The following SLC4A4 variants were observed in gnomAD, a reference collection of about 807,000 sequenced individuals.
SLC4A4 encodes electrogenic sodium bicarbonate cotransporter 1.
Under a neutral mutation model 111.5 loss-of-function variants are expected in SLC4A4, and 27 were observed. The ratio of observed to expected loss-of-function variants is 0.24; its 90% confidence interval spans 0.18 to 0.33. SLC4A4 has a LOEUF of 0.33. SLC4A4 is among the 10% of genes least tolerant of loss of function. The probability of loss-of-function intolerance (pLI) is 1.00; values close to 1 mark genes in which losing one functional copy is unlikely to be tolerated. For missense variants in SLC4A4, 909 were observed against 1,315.5 expected, an observed-to-expected ratio of 0.69 and a Z score of 4.78; for synonymous variants, 443 against 463.4, an observed-to-expected ratio of 0.96 and a Z score of 0.57.
chr4:71,145,228 C>CT (rs1458195157), intron 2 of SLC4A4, among the ~76,000 whole-genome samples: 8 of 151,930 alleles, frequency 5.3e-5, no homozygotes, highest in South Asian at 2.1e-4. Context: ...GTCTTTGGTT[C>CT]GTTTATATGC....
At chr4:71,252,796 T>C (rs1253732862) in intron 2 of SLC4A4, among the ~76,000 whole-genome samples, 2 of 152,176 alleles carry the variant, frequency 1.3e-5, no homozygotes, top group East Asian at 3.8e-4. Context: ...TTTGGATTGG[T>C]GGAAATGTTC....
chr4:71,151,233 T>A (rs1382654284), intron 2 of SLC4A4, among the ~76,000 whole-genome samples: 2 of 152,218 alleles, frequency 1.3e-5, no homozygotes, highest in African/African-American at 4.8e-5. Context: ...CCTCTTCCAA[T>A]GACTAACATT....
At chr4:71,138,975 G>A (rs527440075) in intron 2 of SLC4A4, among the ~76,000 whole-genome samples, 1 of 143,930 alleles carries the variant, frequency 6.9e-6, no homozygotes, top group African/African-American at 2.7e-5. Context: ...GGCGGAGCTT[G>A]CAGTGAGCAG....
chr4:71,330,833 C>T (rs1046216173), intron 3 of SLC4A4, among the ~76,000 whole-genome samples: 4 of 152,040 alleles, frequency 2.6e-5, no homozygotes, highest in Non-Finnish European at 4.4e-5. Context: ...GCAATCTACT[C>T]ATCTGACAAA....
At chr4:71,305,308 C>T (rs1238893734) in intron 3 of SLC4A4, among the ~76,000 whole-genome samples, 2 of 152,184 alleles carry the variant, frequency 1.3e-5, no homozygotes, top group African/African-American at 2.4e-5. Flanking sequence ...TGGTGATTGA[C>T]TTAATCTATC....
intron 2 of SLC4A4, among the ~76,000 whole-genome samples, chr4:71,245,175 T>A (rs1720560736): frequency 6.6e-6 from 1 of 152,152 alleles, no homozygotes; most frequent in African/African-American, 2.4e-5. Flanking sequence ...AGCTGGACCA[T>A]GTGAACAGGG....
At chr4:71,308,091 T>C (rs1031604919) in intron 3 of SLC4A4, among the ~76,000 whole-genome samples, 2 of 152,172 alleles carry the variant, frequency 1.3e-5, no homozygotes, top group African/African-American at 4.8e-5. Flanking sequence ...TTATCTACTA[T>C]ATACTCTTAT....
chr4:71,336,242 C>G (rs142542859), intron 3 of SLC4A4, among the ~76,000 whole-genome samples: 366 of 152,204 alleles, frequency 2.4e-3, no homozygotes, highest in Non-Finnish European at 3.6e-3. Flanking sequence ...TTTAAATATG[C>G]CTGTATATGT....
chr4:71,352,724 A>G (rs543280879), intron 5 of SLC4A4, among the ~76,000 whole-genome samples: 1 of 152,328 alleles, frequency 6.6e-6, no homozygotes, highest in South Asian at 2.1e-4. Context: ...GTCTACTTAC[A>G]TGTCTATCCC....
At chr4:71,083,280 T>A (rs1220133611) in intron 1 of SLC4A4, among the ~76,000 whole-genome samples, 1 of 152,028 alleles carries the variant, frequency 6.6e-6, no homozygotes, top group Non-Finnish European at 1.5e-5. Flanking sequence ...CTTGTTTTTT[T>A]TTTCATTTAA....
intron 6 of SLC4A4, among the ~76,000 whole-genome samples, chr4:71,370,354 C>A (rs1215913586): frequency 6.6e-6 from 1 of 152,176 alleles, no homozygotes; most frequent in Admixed American, 6.5e-5. Context: ...ATCTGCTAAT[C>A]CCACAATGAA....
intron 14 of SLC4A4, among the ~76,000 whole-genome samples, chr4:71,475,670 G>C (rs139806877): frequency 7.2e-5 from 11 of 151,902 alleles, no homozygotes; most frequent in African/African-American, 2.7e-4. Context: ...CAGGCCAAAT[G>C]TGTGACTTTC....
intron 19 of SLC4A4, among the ~76,000 whole-genome samples, 186 bp downstream of exon 19, chr4:71,546,714 T>A (rs58357728): frequency 1.9e-4 from 29 of 152,142 alleles, no homozygotes; most frequent in African/African-American, 7.0e-4. Context: ...AGTTTACTCC[T>A]CATGATATAT....
chr4:71,092,153 G>A (rs1446133445), intron 1 of SLC4A4, among the ~76,000 whole-genome samples: 1 of 152,170 alleles, frequency 6.6e-6, no homozygotes, highest in African/African-American at 2.4e-5. Context: ...TTTATTAAGG[G>A]ATGCAAGATA....
intron 6 of SLC4A4, among the ~76,000 whole-genome samples, chr4:71,375,992 A>G (rs1732311404): frequency 6.6e-6 from 1 of 151,262 alleles, no homozygotes; most frequent in South Asian, 2.1e-4. Context: ...AAGGGATTGA[A>G]AGGTCCTAGG....
intron 12 of SLC4A4, among the ~76,000 whole-genome samples, chr4:71,456,142 T>C (rs886751293): frequency 1.3e-5 from 2 of 152,212 alleles, no homozygotes; most frequent in African/African-American, 4.8e-5. Flanking sequence ...TTGATTATTT[T>C]ATTAATAGAT....
intron 1 of SLC4A4, among the ~76,000 whole-genome samples, chr4:71,194,388 T>G (rs1745890602): frequency 6.6e-6 from 1 of 152,194 alleles, no homozygotes; most frequent in African/African-American, 2.4e-5. Context: ...TTAATAAATG[T>G]TTGTTGGCTG....
At chr4:71,196,630 G>A (rs1181036998) in intron 1 of SLC4A4, among the ~76,000 whole-genome samples, 1 of 151,482 alleles carries the variant, frequency 6.6e-6, no homozygotes, top group Non-Finnish European at 1.5e-5. Flanking sequence ...GGTCCTCACG[G>A]TGGCCAGAAA....
At chr4:71,139,022 T>C (rs866716115) in intron 2 of SLC4A4, among the ~76,000 whole-genome samples, 5 of 113,436 alleles carry the variant, frequency 4.4e-5, no homozygotes, top group South Asian at 2.6e-4. Flanking sequence ...GGCGACAGAG[T>C]GAGACTCCGT....
Sources: allele counts gnomAD v4.1 joint callset (sites outside exome capture counted in the v4.1 genomes callset), GRCh38; gene constraint gnomAD v4.1.1; transcripts MANE v1.5; gene names NCBI Gene and HGNC (gene_info 2026-07-23, HGNC 2026-07-21).